Variants in JAZF1 observed in about 807,000 individuals in gnomAD.
JAZF1 encodes JAZF zinc finger 1.
Under a neutral mutation model 26.4 loss-of-function variants are expected in JAZF1, and 8 were observed. The observed-to-expected ratio is 0.30, with a 90% CI of 0.18 to 0.55. The LOEUF (loss-of-function observed/expected upper bound fraction) is 0.55. Among genes scored for constraint, JAZF1 ranks in the 20% least tolerant of loss-of-function variants. The pLI, the probability that JAZF1 is intolerant of heterozygous loss-of-function variation, is 0.94. For missense variants in JAZF1, 199 were observed against 322.0 expected (o/e 0.62, Z 2.92); for synonymous variants, 126 against 122.3 (o/e 1.03, Z -0.20).
intron 3 of JAZF1, among the ~76,000 whole-genome samples, chr7:27,853,767 A>AT (rs1482270744): frequency 6.6e-6 from 1 of 152,128 alleles, no homozygotes; most frequent in Non-Finnish European, 1.5e-5. Flanking sequence ...GTTCGTTTGC[A>AT]TTTGCTGAGC....
At chr7:27,983,806 A>G (rs974112468) in intron 2 of JAZF1, among the ~76,000 whole-genome samples, 3 of 152,244 alleles carry the variant, frequency 2.0e-5, no homozygotes, top group Admixed American at 6.5e-5. Flanking sequence ...TAACATTCTT[A>G]AAGAAAAGGA....
chr7:27,936,392 A>G (rs1007180292), intron 2 of JAZF1, among the ~76,000 whole-genome samples: 1 of 152,172 alleles, frequency 6.6e-6, no homozygotes, highest in Admixed American at 6.5e-5. Context: ...AGACTGGCCA[A>G]CTCTCTTCCT....
intron 2 of JAZF1, among the ~76,000 whole-genome samples, chr7:27,936,934 CTAAGTT>C (rs1263746288): frequency 6.6e-6 from 1 of 152,216 alleles, no homozygotes; most frequent in Non-Finnish European, 1.5e-5. Context: ...CTTGCTGACT[CTAAGTT>C]TAAGTATCCC....
intron 3 of JAZF1, chr7:27,841,351 G>C (rs1197383311): frequency 6.5e-6 from 1 of 152,802 alleles, no homozygotes; most frequent in East Asian, 1.9e-4. Flanking sequence ...GACTTTTAAG[G>C]CATTTCTACT....
chr7:27,868,871 CAG>C (rs1207533910), intron 3 of JAZF1, among the ~76,000 whole-genome samples: 3 of 152,200 alleles, frequency 2.0e-5, no homozygotes, highest in Non-Finnish European at 4.4e-5. Flanking sequence ...CGGTGCCTGA[CAG>C]AGAGCAGTAG....
chr7:28,047,966 G>A (rs1426640406), intron 1 of JAZF1, among the ~76,000 whole-genome samples: 1 of 152,160 alleles, frequency 6.6e-6, no homozygotes, highest in African/African-American at 2.4e-5. Flanking sequence ...GATGTGTTCT[G>A]TCTTTCTCTA....
At position 27,849,769 on chromosome 7, in the gene JAZF1, A is replaced by ACACACC. The variant is rs996608811; in HGVS notation, c.386-8908_386-8903dup. Among the ~76,000 whole-genome samples the ACACACC allele has an allele frequency of 1.2e-3, 174 of 148,186 alleles. 3 individuals carry two copies. The East Asian group carries it at 0.025, about 21-fold the overall frequency. On this transcript the variant is annotated intron_variant, in intron 3 of 4. Coordinates refer to ENST00000283928, the MANE Select transcript of JAZF1 (RefSeq NM_175061.4). ...TACACACAGACACACACACACACAC[A>ACACACC]CACACCCCTACACCTCTTCCCGGCC...
chr7:27,948,583 C>T (rs1385647964), intron 2 of JAZF1, among the ~76,000 whole-genome samples: 3 of 152,128 alleles, frequency 2.0e-5, no homozygotes, highest in African/African-American at 7.2e-5. Flanking sequence ...TTTTCTGTCC[C>T]TTCTTCTGAA....
At chr7:28,067,338 AACC>A (rs1354060610) in intron 1 of JAZF1, among the ~76,000 whole-genome samples, 1 of 152,170 alleles carries the variant, frequency 6.6e-6, no homozygotes, top group Non-Finnish European at 1.5e-5. Flanking sequence ...CTGGTTGTTA[AACC>A]AGTGGAATCT....
intron 1 of JAZF1, among the ~76,000 whole-genome samples, chr7:28,177,379 T>C (rs1193052757): frequency 6.6e-6 from 1 of 152,192 alleles, no homozygotes; most frequent in Non-Finnish European, 1.5e-5. Context: ...ACATATAAGA[T>C]AACAGAGAGT....
In JAZF1 at chr7:27,832,084, TGAACGAA is replaced by T. The variant is rs1359622013; in HGVS notation, c.*709_*715del. 4.7e-6 allele frequency: 1 copy of T among 212,548 alleles called. No homozygotes were observed. The highest frequency in any genetic ancestry group is 9.5e-6 in the Non-Finnish European group (1 of 104,900). The allele number at this position is 212,548 out of a possible 1,614,324, so 13.2% of individuals were successfully genotyped here. ...ACTCAATCAATGTGTGTTAAATGAA[TGAACGAA>T]CTGAATAGACTATTTTGTACAAAAT... On this transcript the variant is annotated 3_prime_UTR_variant, in exon 5 of 5. Coordinates refer to ENST00000283928, the MANE Select transcript of JAZF1 (RefSeq NM_175061.4).
chr7:28,120,048 C>T (rs1221982453), intron 1 of JAZF1, among the ~76,000 whole-genome samples: 1 of 152,176 alleles, frequency 6.6e-6, no homozygotes, highest in Non-Finnish European at 1.5e-5. Context: ...AATATGCAAT[C>T]CAACCCCTCC....
At chr7:27,908,476 TG>T (rs1784301731) in intron 2 of JAZF1, among the ~76,000 whole-genome samples, 1 of 152,214 alleles carries the variant, frequency 6.6e-6, no homozygotes, top group African/African-American at 2.4e-5. Context: ...TGCCTTTTGT[TG>T]CAAGAGTTCA....
At chr7:28,071,270 G>A (rs1486008123) in intron 1 of JAZF1, among the ~76,000 whole-genome samples, 1 of 152,184 alleles carries the variant, frequency 6.6e-6, no homozygotes, top group African/African-American at 2.4e-5. Flanking sequence ...CGTTCATAAC[G>A]TTATGAAAAG....
chr7:28,167,450 C>A (rs1454234299), intron 1 of JAZF1, among the ~76,000 whole-genome samples: 1 of 152,214 alleles, frequency 6.6e-6, no homozygotes, highest in Non-Finnish European at 1.5e-5. Flanking sequence ...GCCAGGATCA[C>A]AAGTGAGGCA....
chr7:28,106,852 A>G (rs1488855608), intron 1 of JAZF1, among the ~76,000 whole-genome samples: 2 of 152,226 alleles, frequency 1.3e-5, no homozygotes, highest in Non-Finnish European at 2.9e-5. Flanking sequence ...TGACTTAGGA[A>G]ACACAGGTTC....
intron 1 of JAZF1, among the ~76,000 whole-genome samples, chr7:28,131,157 C>T (rs1782786853): frequency 6.6e-6 from 1 of 152,100 alleles, no homozygotes; most frequent in South Asian, 2.1e-4. Context: ...CCCTAACTTC[C>T]CTTAGTAGTT....
At chr7:28,002,383 C>A (rs1167451199) in intron 1 of JAZF1, among the ~76,000 whole-genome samples, 1 of 152,142 alleles carries the variant, frequency 6.6e-6, no homozygotes, top group African/African-American at 2.4e-5. Flanking sequence ...ATCTGGTACC[C>A]GAGTCTCCAA....
In JAZF1 at chr7:27,998,067, AAGGAAGGC is replaced by A. The variant is rs1367724806; in HGVS notation, c.116-6094_116-6087del. Among the ~76,000 whole-genome samples the A allele has an allele frequency of 2.2e-3, 159 of 72,804 alleles. 4 individuals carry two copies. In the East Asian group the frequency reaches 0.031, roughly 14 times the overall value. The allele number at this position is 72,804 out of a possible 152,430, so 47.8% of individuals were successfully genotyped here. ...GAAGGAAGGAAGGAAGGAAGGAAGG[AAGGAAGGC>A]AGGCAGGCAGGCAGGCAGGCAGACA... On this transcript the variant is annotated intron_variant, in intron 1 of 4. Transcript: ENST00000283928.
Sources: allele counts gnomAD v4.1 joint callset (sites outside exome capture counted in the v4.1 genomes callset), GRCh38; gene constraint gnomAD v4.1.1; transcripts MANE v1.5; gene names NCBI Gene and HGNC (gene_info 2026-07-23, HGNC 2026-07-21).